Variants in CCDC136 observed in about 807,000 individuals in gnomAD.
CCDC136 encodes coiled-coil domain-containing protein 136.
In CCDC136, 100 loss-of-function variants were observed where a neutral mutation model predicts 141.2. That is an observed-to-expected ratio of 0.71 (90% CI 0.60 to 0.84). The LOEUF is 0.84. Among genes scored for constraint, CCDC136 ranks in the 40% least tolerant of loss-of-function variants. CCDC136 has a pLI of 0.00. For synonymous variants in CCDC136, 474 were observed against 531.9 expected, an observed-to-expected ratio of 0.89 and a Z score of 1.50; for missense variants, 1,206 against 1,379.4, an observed-to-expected ratio of 0.87 and a Z score of 1.99.
At chr7:128,798,619 TAGG>T (rs1803483672) in intron 3 of CCDC136, among the ~76,000 whole-genome samples, 2 of 151,958 alleles carry the variant, frequency 1.3e-5, no homozygotes, top group African/African-American at 4.8e-5. Flanking sequence ...AAAAGCATAT[TAGG>T]GAGGTGGAGG....
chr7:128,800,134 A>C (rs1803778730), intron 3 of CCDC136, among the ~76,000 whole-genome samples: 2 of 152,192 alleles, frequency 1.3e-5, no homozygotes, highest in Admixed American at 1.3e-4. Context: ...TATACTATAC[A>C]TAAAATATTT....
rs758011296 is a variant in CCDC136 at position 128,805,846 on chromosome 7, T to G, written c.1034T>G (p.Leu345Arg). 1.9e-6 allele frequency: 3 copies of G among 1,613,708 alleles called. No homozygotes were observed. The highest frequency in any genetic ancestry group is 2.7e-5 in the African/African-American group (2 of 74,834). The change falls in exon 7 of 18, where the codon CTC becomes CGC. Residue 345 changes from leucine (L) to arginine (R), a missense_variant. Leu to Arg is a moderately radical substitution (Grantham distance 102). Transcript: ENST00000297788. This position sits in a 1 kb window ranked among gnomAD's most constrained non-coding sequence, Gnocchi z 4.6. ...EEEQRRLQRE[L>R]KCAQNEVLRF... The stretch of plus-strand genomic sequence containing the variant: ...GAGCAGAGGCGGCTGCAGAGGGAGC[T>G]CAAGTGTGCTCAGAATGAGGTGCTT...
Position 128,821,984 on chromosome 7 carries a change from C to T in CCDC136, c.*191C>T, listed in dbSNP as rs1016921571. On this transcript the variant is annotated 3_prime_UTR_variant, in exon 18 of 18. Transcript: ENST00000297788. The surrounding 1 kb of genome is among the most constrained non-coding windows in gnomAD (Gnocchi z 5.1). ...CAGCTTTGGGCAGGACACACTGTGC[C>T]AGAACCCTCCCCATATGTTCCATGT... The T allele has an allele frequency of 1.6e-6, 2 of 1,278,024 alleles. No homozygotes were observed. Among genetic ancestry groups the T allele is most frequent in the Non-Finnish European group, 1.0e-6 (1 of 981,630 alleles). The allele number at this position is 1,278,024 out of a possible 1,614,324, so 79.2% of individuals were successfully genotyped here. A position where few individuals can be genotyped will look rare whatever the true frequency, so the allele number is the denominator to read the frequency against.
intron 16 of CCDC136, among the ~76,000 whole-genome samples, chr7:128,816,737 G>A (rs890334410): frequency 5.3e-5 from 8 of 152,202 alleles, no homozygotes; most frequent in Non-Finnish European, 1.2e-4. Flanking sequence ...AGGGCTCAGA[G>A]TCCCTACAGA....
rs1258695885 is a variant in CCDC136, at chr7:128,817,774, A to G, written c.3380A>G (p.Asn1127Ser). The change falls in exon 17 of 18, where the codon AAT (asparagine) becomes AGT (serine). Residue 1127 changes from asparagine to serine, a missense_variant. Asn to Ser is a conservative substitution (Grantham distance 46, BLOSUM62 1). Transcript: ENST00000297788. This position sits in a 1 kb window ranked among gnomAD's most constrained non-coding sequence, Gnocchi z 4.6. ...GTGTTGCAGTCATCCCCTACCCCCAATCCCCCCATCTTCTCCTTGCCTCTT... is the reference window on the plus strand; with the variant it reads ...GTGTTGCAGTCATCCCCTACCCCCAGTCCCCCCATCTTCTCCTTGCCTCTT... ...SESKKSSPTP[N>S]PPIFSLPLVG... 1.2e-6 allele frequency: 2 copies of G among 1,612,672 alleles called. No individual in the cohort carries two copies. The highest frequency in any genetic ancestry group is 2.2e-5 in the East Asian group (1 of 44,834).
At chr7:128,808,554 G>C in intron 10 of CCDC136, 1 of 985,370 alleles carries the variant, frequency 1.0e-6, no homozygotes, top group Non-Finnish European at 1.2e-6. Context: ...AGGTGTTGAA[G>C]CATGTTGGAG....
Position 128,796,739 on chromosome 7 carries a change from A to ATATATATATTTTTTT in CCDC136, c.346+1972_346+1973insATATATATTTTTTTT. ...TGATTCAGAATATATATATATATAT[A>ATATATATATTTTTTT]TTCTTTTTTTTTTTTTTTTTGAGAC... is the stretch of plus-strand genomic sequence containing the variant. On this transcript the variant is annotated intron_variant, in intron 3 of 17. Transcript: ENST00000297788. Among the ~76,000 whole-genome samples the ATATATATATTTTTTT allele has an allele frequency of 1.3e-4, 15 of 113,380 alleles. No individual in the cohort carries two copies. The East Asian group carries it at 2.1e-3, about 16-fold the overall frequency. The allele number at this position is 113,380 out of a possible 152,430, so 74.4% of individuals were successfully genotyped here.
intron 10 of CCDC136, chr7:128,808,650 TC>T (rs922271247): frequency 2.4e-4 from 240 of 985,380 alleles, no homozygotes; most frequent in Admixed American, 3.1e-4. Context: ...GGAAAGGCCT[TC>T]AGGAGACGGA....
At chr7:128,797,992 A>C (rs1000884961) in intron 3 of CCDC136, among the ~76,000 whole-genome samples, 1 of 149,380 alleles carries the variant, frequency 6.7e-6, no homozygotes, top group Non-Finnish European at 1.5e-5. Context: ...ATCTCGGCTC[A>C]CTGCAAGCTC....
chr7:128,814,603 C>G (rs550240288), intron 14 of CCDC136, 35 bp from the exon 15 acceptor site: 1 of 1,504,310 alleles, frequency 6.6e-7, no homozygotes, highest in Non-Finnish European at 8.9e-7. Context: ...GCATAACCAG[C>G]CAACTCTGGG....
At chr7:128,808,453 T>C (rs1299922908) in intron 10 of CCDC136, 9 of 983,898 alleles carry the variant, frequency 9.1e-6, no homozygotes, top group Non-Finnish European at 1.1e-5. Flanking sequence ...CCTTATTCAT[T>C]TTTTTTCTTT....
chr7:128,813,222 A>C (rs528178200), intron 14 of CCDC136, among the ~76,000 whole-genome samples: 5 of 152,292 alleles, frequency 3.3e-5, no homozygotes, highest in African/African-American at 1.2e-4. Context: ...TGCATTTGCC[A>C]ATCTTCTTTC....
rs1806011301 is a variant in CCDC136, at chr7:128,812,947, G to A, written c.2763+18G>A. 1.3e-6 allele frequency: 2 copies of A among 1,563,026 alleles called. No individual in the cohort carries two copies. Among genetic ancestry groups the A allele is most frequent in the Non-Finnish European group, 1.7e-6 (2 of 1,146,196 alleles). On this transcript the variant is annotated intron_variant, in intron 14 of 17. Coordinates refer to ENST00000297788, the MANE Select transcript of CCDC136 (RefSeq NM_022742.5). Reference sequence around the variant, plus strand: ...AGAATGAGGTAACCACTGTCAGGGAGGCAGGGTTTCCTCTGGCAGCCCCTG... The same window carrying A: ...AGAATGAGGTAACCACTGTCAGGGAAGCAGGGTTTCCTCTGGCAGCCCCTG...
chr7:128,793,196 T>C (rs1256650338), intron 1 of CCDC136, among the ~76,000 whole-genome samples: 2 of 152,232 alleles, frequency 1.3e-5, no homozygotes, highest in African/African-American at 4.8e-5. Context: ...TTTTGCTATT[T>C]ATAGGGACTG....
chr7:128,804,546 T>C, intron 4 of CCDC136, 104 bp from the exon 5 acceptor site: 1 of 691,550 alleles, frequency 1.4e-6, no homozygotes, highest in Non-Finnish European at 2.6e-6. Context: ...AAAGAGAAGC[T>C]CTTTAACCTT....
chr7:128,791,561 G>A, upstream of CCDC136: 1 of 1,256,950 alleles, frequency 8.0e-7, no homozygotes. This position sits in a 1 kb window ranked among gnomAD's most constrained non-coding sequence, Gnocchi z 7.1. Flanking sequence ...GGTCAGAGCC[G>A]CCCCTCCGTC....
At chr7:128,811,436 G>T in intron 12 of CCDC136, 1 of 454,892 alleles carries the variant, frequency 2.2e-6, no homozygotes, top group Non-Finnish European at 4.4e-6. Context: ...AGGGGACTGA[G>T]CCTGAAGGTC....
In CCDC136 at chr7:128,794,296, G is replaced by A. The variant is rs550457700; in HGVS notation, c.17-52G>A. The A allele has an allele frequency of 1.3e-5, 20 of 1,551,002 alleles. No homozygotes were observed. Among genetic ancestry groups the A allele is most frequent in the Middle Eastern group, 3.3e-4 (2 of 6,008 alleles). On this transcript the variant is annotated intron_variant, in intron 1 of 17. Transcript: ENST00000297788. This position sits in a 1 kb window ranked among gnomAD's most constrained non-coding sequence, Gnocchi z 4.3. ...GTGAGTTTGAGGGCCCTGGAAGGAC[G>A]GCAGAAAGGAAGTTGATGCTGACTC...
chr7:128,807,334 T>G (rs1663795270), intron 9 of CCDC136, 26 bp from the exon 10 acceptor site: 4 of 1,419,646 alleles, frequency 2.8e-6, no homozygotes, highest in Non-Finnish European at 3.7e-6. Context: ...CCTGGGATGA[T>G]GGCCAGGCCT....
Sources: allele counts gnomAD v4.1 joint callset (sites outside exome capture counted in the v4.1 genomes callset), GRCh38; gene constraint gnomAD v4.1.1; non-coding constraint Gnocchi (gnomAD v3.1); transcripts MANE v1.5; gene names NCBI Gene and HGNC (gene_info 2026-07-23, HGNC 2026-07-21).